Variants in CENPP observed in about 807,000 individuals in gnomAD.
CENPP encodes centromere protein P.
Under a neutral mutation model 35.6 loss-of-function variants are expected in CENPP, and 24 were observed. That is an observed-to-expected ratio of 0.67 (90% CI 0.49 to 0.95). The LOEUF is 0.95. Among genes scored for constraint, CENPP ranks in the 40% least tolerant of loss-of-function variants. CENPP has a pLI of 0.00. For missense variants in CENPP, 332 were observed against 345.3 expected (o/e 0.96, Z 0.31); for synonymous variants, 120 against 125.5 (o/e 0.96, Z 0.29).
intron 5 of CENPP, among the ~76,000 whole-genome samples, chr9:92,400,711 A>T (rs1191365654): frequency 6.6e-6 from 1 of 152,192 alleles, no homozygotes; most frequent in Non-Finnish European, 1.5e-5. Context: ...GTAATTATTG[A>T]TGTATATGTG....
At chr9:92,374,627 A>AG (rs1842085289) in intron 4 of CENPP, among the ~76,000 whole-genome samples, 3 of 152,258 alleles carry the variant, frequency 2.0e-5, no homozygotes, top group African/African-American at 7.2e-5. Flanking sequence ...TCCCCCTTAT[A>AG]TTGTGATTGT....
intron 5 of CENPP, among the ~76,000 whole-genome samples, chr9:92,554,206 G>A (rs1315071832): frequency 2.0e-5 from 3 of 149,598 alleles, no homozygotes; most frequent in Admixed American, 6.6e-5. Context: ...TTTTTGAGAC[G>A]GAGTTTCGCT....
At chr9:92,566,118 T>C (rs900723153) in intron 5 of CENPP, among the ~76,000 whole-genome samples, 3 of 151,952 alleles carry the variant, frequency 2.0e-5, no homozygotes, top group African/African-American at 7.2e-5. Context: ...CTGGTCATCA[T>C]GGTGAAACCC....
At chr9:92,325,587 G>A (rs1339967434), upstream of CENPP, 1 of 176,638 alleles carries the variant, frequency 5.7e-6, no homozygotes, top group Non-Finnish European at 1.2e-5. Flanking sequence ...GGACTAGGTC[G>A]GCGTAAGAGA....
At chr9:92,588,373 G>C (rs1564013023) in intron 5 of CENPP, among the ~76,000 whole-genome samples, 1 of 151,036 alleles carries the variant, frequency 6.6e-6, no homozygotes, top group Admixed American at 6.6e-5. Flanking sequence ...TCAGTCTCCC[G>C]AGTAGCTGGG....
intron 5 of CENPP, among the ~76,000 whole-genome samples, chr9:92,526,559 GA>G (rs1319138537): frequency 6.7e-6 from 1 of 149,664 alleles, no homozygotes; most frequent in African/African-American, 2.5e-5. Flanking sequence ...AAAATTAGTG[GA>G]AAAAAAGAAA....
At chr9:92,416,090 A>AT (rs1843598664) in intron 5 of CENPP, among the ~76,000 whole-genome samples, 1 of 140,782 alleles carries the variant, frequency 7.1e-6, no homozygotes, top group African/African-American at 2.6e-5. Flanking sequence ...TTATTTATTT[A>AT]TTTATTTATT....
Position 92,618,484 on chromosome 9 carries a change from C to A in CENPP, c.*5335C>A. 1 of 456,694 alleles carries A rather than the reference C, an allele frequency of 2.2e-6. No homozygotes were observed. The highest frequency in any genetic ancestry group is 1.5e-5 in the South Asian group (1 of 64,572). 28.3% of individuals were successfully genotyped at this position (456,694 alleles called of 1,614,324 possible). A position where few individuals can be genotyped will look rare whatever the true frequency, so the allele number is the denominator to read the frequency against. On this transcript the variant is annotated 3_prime_UTR_variant, in exon 8 of 8. Transcript: ENST00000375587. ...GCCTTTCACAGCCCACCTAAGGGCACCCTGCATCCAAGCACATTTCCATTG... is the reference window on the plus strand; with the variant it reads ...GCCTTTCACAGCCCACCTAAGGGCAACCTGCATCCAAGCACATTTCCATTG...
chr9:92,538,782 G>T (rs762416722), intron 5 of CENPP, among the ~76,000 whole-genome samples: 1 of 152,170 alleles, frequency 6.6e-6, no homozygotes, highest in Non-Finnish European at 1.5e-5. Context: ...GCAGGAATGT[G>T]GTATTGGTCA....
intron 5 of CENPP, chr9:92,417,301 G>T (rs1262902466): frequency 6.2e-7 from 1 of 1,614,082 alleles, no homozygotes; most frequent in South Asian, 1.1e-5. Flanking sequence ...GAATATTTGG[G>T]ATAGTCTTGA....
intron 7 of CENPP, 44 bp from the exon 8 acceptor site, chr9:92,612,975 T>C: frequency 6.2e-7 from 1 of 1,611,806 alleles, no homozygotes; most frequent in Non-Finnish European, 8.5e-7. Context: ...GACCAAAAGC[T>C]GCCACCTTGA....
chr9:92,427,083 A>G (rs1375785200), intron 5 of CENPP, among the ~76,000 whole-genome samples: 1 of 152,208 alleles, frequency 6.6e-6, no homozygotes, highest in Non-Finnish European at 1.5e-5. Context: ...GCACTCAGCA[A>G]AGAAAGGGAT....
At chr9:92,544,778 C>T (rs866937904) in intron 5 of CENPP, among the ~76,000 whole-genome samples, 6 of 147,010 alleles carry the variant, frequency 4.1e-5, no homozygotes, top group South Asian at 2.2e-4. Context: ...TGCAGTGGCG[C>T]GATCTCAGCT....
chr9:92,325,925 C>A (rs1371256634), upstream of CENPP: 3 of 1,333,258 alleles, frequency 2.3e-6, no homozygotes, highest in Non-Finnish European at 3.1e-6. Flanking sequence ...GCGCGCGAGG[C>A]TTGAAGCGCG....
At position 92,468,940 on chromosome 9, in the gene CENPP, G is replaced by A. The variant is rs2131067243; in HGVS notation, c.564+89081G>A. Among the ~76,000 whole-genome samples, 3 of 152,286 alleles carry A rather than the reference G, an allele frequency of 2.0e-5. 1 individual carries two copies. Among genetic ancestry groups the A allele is most frequent in the Middle Eastern group, 6.8e-3 (2 of 294 alleles). On this transcript the variant is annotated intron_variant, in intron 5 of 7. Transcript: ENST00000375587. ...TAAGTCCCTGGAATGCTCCTAAAAT[G>A]TAATAAAATAATGATATGATGAATT...
intron 5 of CENPP, among the ~76,000 whole-genome samples, chr9:92,562,361 C>T (rs376429871): frequency 2.0e-5 from 3 of 151,958 alleles, no homozygotes; most frequent in African/African-American, 7.3e-5. Flanking sequence ...CCCACCACCA[C>T]GCCCAGCTAA....
intron 5 of CENPP, among the ~76,000 whole-genome samples, chr9:92,411,394 A>C (rs116082762): frequency 0.012 from 1,866 of 152,250 alleles, 36 homozygotes; most frequent in African/African-American, 0.042. Flanking sequence ...TGCTAGGCTC[A>C]GATGATCCTC....
At chr9:92,400,132 ATG>A (rs1353428693) in intron 5 of CENPP, among the ~76,000 whole-genome samples, 1 of 151,944 alleles carries the variant, frequency 6.6e-6, no homozygotes, top group Non-Finnish European at 1.5e-5. Flanking sequence ...AGAACAAGGG[ATG>A]TCTTTTGTTT....
At chr9:92,477,256 C>T (rs1845744399) in intron 5 of CENPP, among the ~76,000 whole-genome samples, 1 of 152,180 alleles carries the variant, frequency 6.6e-6, no homozygotes, top group Admixed American at 6.5e-5. Context: ...GCTTCCTTCT[C>T]AATATCACTT....
Sources: gnomAD v4.1 joint callset for allele counts (sites outside exome capture counted in the v4.1 genomes callset) on GRCh38, gnomAD v4.1.1 for gene constraint, MANE v1.5 for transcripts, NCBI Gene and HGNC (gene_info 2026-07-23, HGNC 2026-07-21) for gene names.